The following RAB28 variants were observed in gnomAD, a reference collection of about 807,000 sequenced individuals.
RAB28 encodes ras-related protein Rab-28.
Under a neutral mutation model 31.7 loss-of-function variants are expected in RAB28, and 24 were observed. The observed-to-expected ratio is 0.76, with a 90% confidence interval of 0.55 to 1.06. RAB28 has a LOEUF of 1.06. Ranked by LOEUF, RAB28 falls within the 50% of genes least tolerant of loss-of-function variation. The probability of loss-of-function intolerance (pLI) is 0.00; values close to 1 mark genes in which losing one functional copy is unlikely to be tolerated. For missense variants in RAB28, 254 were observed against 258.5 expected (o/e 0.98, Z 0.12); for synonymous variants, 100 against 90.4 (o/e 1.11, Z -0.60).
At chr4:13,466,053 A>C (rs1417567204) in intron 3 of RAB28, among the ~76,000 whole-genome samples, 1 of 152,026 alleles carries the variant, frequency 6.6e-6, no homozygotes, top group Non-Finnish European at 1.5e-5. Flanking sequence ...ATCTCACAAC[A>C]TATACAAAAA....
intron 3 of RAB28, among the ~76,000 whole-genome samples, chr4:13,467,773 A>G (rs1366770529): frequency 6.6e-6 from 1 of 152,018 alleles, no homozygotes; most frequent in African/African-American, 2.4e-5. Flanking sequence ...ACAGATGTTA[A>G]CCCAGCTATA....
intron 6 of RAB28, chr4:13,370,375 A>G: frequency 6.5e-6 from 6 of 919,762 alleles, no homozygotes; most frequent in Non-Finnish European, 7.8e-6. Context: ...TTCCATTTCC[A>G]TTAACAAGCT....
In RAB28 at chr4:13,474,389, G is replaced by A. The variant is rs944461205; in HGVS notation, c.190C>T (p.Leu64Phe). 5.7e-6 allele frequency: 9 copies of A among 1,583,688 alleles called. No individual in the cohort carries two copies. The Admixed American group carries it at 6.9e-5, about 12-fold the overall frequency. The part of the protein sequence containing the change: ...ITLPGNLNVT[L>F]QIWDIGGQTI... ...TGCCCTCCTATATCCCAAATTTGAA[G>A]GGTAACATTCAAGTTTCCTAGAATA... is the stretch of plus-strand genomic sequence containing the variant. The change falls in exon 3 of 7, where the codon CTT (leucine) becomes TTT (phenylalanine). Residue 64 changes from leucine to phenylalanine, a missense_variant. Transcript: ENST00000330852.
chr4:13,459,948 C>G, intron 4 of RAB28: 2 of 1,264,990 alleles, frequency 1.6e-6, no homozygotes, highest in Non-Finnish European at 1.0e-6. Context: ...AAAACACACA[C>G]TGTCAGAACT....
chr4:13,368,799 A>C lies in RAB28; in HGVS notation c.574-149T>G. On this transcript the variant is annotated intron_variant, in intron 6 of 6. Coordinates refer to ENST00000330852, the MANE Select transcript of RAB28 (RefSeq NM_001017979.3). ...GGAGTTGATATTAAAAGAATAAGCC[A>C]GACAAACAAACAAAGAGTGGATTTT... The C allele has an allele frequency of 3.2e-6, 2 of 629,696 alleles. 1 individual carries two copies. The highest frequency in any genetic ancestry group is 6.1e-5 in the South Asian group (2 of 32,844). 39.0% of individuals were successfully genotyped at this position (629,696 alleles called of 1,614,324 possible).
chr4:13,368,719 T>C (rs1252253144), intron 6 of RAB28, 69 bp from the exon 7 acceptor site: 2 of 1,376,860 alleles, frequency 1.5e-6, no homozygotes, highest in Non-Finnish European at 2.0e-6. Context: ...TTAAAGTATA[T>C]TTTTATTTTC....
At chr4:13,457,050 G>C (rs914722472) in intron 4 of RAB28, among the ~76,000 whole-genome samples, 4 of 152,126 alleles carry the variant, frequency 2.6e-5, no homozygotes, top group African/African-American at 9.7e-5. Flanking sequence ...ACTGCTACCA[G>C]TATTTCCACA....
At chr4:13,380,284 T>G (rs1174784155) in intron 5 of RAB28, among the ~76,000 whole-genome samples, 6 of 152,064 alleles carry the variant, frequency 3.9e-5, no homozygotes, top group Non-Finnish European at 7.4e-5. Flanking sequence ...CTATAAAGGA[T>G]ATTACAGAGA....
Position 13,433,138 on chromosome 4 carries a change from GA to G in RAB28, c.391+27560del, listed in dbSNP as rs1159582203. ...AGAAAGATCTATCATGCAAATGAAA[GA>G]AAAAAAAAAAAGAAAAAAAAGAGCA... On this transcript the variant is annotated intron_variant, in intron 4 of 6. Transcript: ENST00000330852. Among the ~76,000 whole-genome samples, 499 of 69,456 alleles carry G rather than the reference GA, an allele frequency of 7.2e-3. 3 individuals carry two copies. Among genetic ancestry groups the G allele is most frequent in the Admixed American group, 0.012 (77 of 6,452 alleles). The allele number at this position is 69,456 out of a possible 152,430, so 45.6% of individuals were successfully genotyped here. A position where few individuals can be genotyped will look rare whatever the true frequency, so the allele number is the denominator to read the frequency against.
At chr4:13,477,352 C>T (rs1411117975) in intron 2 of RAB28, among the ~76,000 whole-genome samples, 6 of 151,464 alleles carry the variant, frequency 4.0e-5, no homozygotes, top group Admixed American at 2.0e-4. Context: ...TCTAACTGGT[C>T]AGAGGACTTA....
chr4:13,420,989 T>A (rs912858819), intron 4 of RAB28, among the ~76,000 whole-genome samples: 5 of 152,194 alleles, frequency 3.3e-5, no homozygotes, highest in Non-Finnish European at 7.3e-5. Context: ...ATGACATGAT[T>A]GTATATTTAG....
chr4:13,413,589 A>C (rs908608929), intron 4 of RAB28, among the ~76,000 whole-genome samples: 1 of 152,172 alleles, frequency 6.6e-6, no homozygotes, highest in Admixed American at 6.5e-5. Context: ...AAATTAATGA[A>C]CCCGCAGAGA....
At chr4:13,441,064 T>C (rs893030678) in intron 4 of RAB28, among the ~76,000 whole-genome samples, 3 of 152,180 alleles carry the variant, frequency 2.0e-5, no homozygotes, top group Non-Finnish European at 4.4e-5. Context: ...TTTCCCTCGC[T>C]GTGATACAAA....
At chr4:13,392,377 T>A (rs1045058790) in intron 4 of RAB28, among the ~76,000 whole-genome samples, 3 of 152,224 alleles carry the variant, frequency 2.0e-5, no homozygotes, top group African/African-American at 7.2e-5. Flanking sequence ...TCCCAAGAGA[T>A]GACCTCTGTT....
At chr4:13,386,805 C>G (rs970671404) in intron 4 of RAB28, among the ~76,000 whole-genome samples, 1 of 152,010 alleles carries the variant, frequency 6.6e-6, no homozygotes, top group African/African-American at 2.4e-5. Flanking sequence ...GTGTATGTCC[C>G]TTGCAGCACT....
intron 5 of RAB28, among the ~76,000 whole-genome samples, chr4:13,379,112 C>A (rs1208593238): frequency 6.8e-6 from 1 of 146,768 alleles, no homozygotes; most frequent in Admixed American, 7.0e-5. Flanking sequence ...GAGGCTGAGG[C>A]GGAGAATTGC....
chr4:13,417,360 C>T (rs935240317), intron 4 of RAB28, among the ~76,000 whole-genome samples: 4 of 152,164 alleles, frequency 2.6e-5, no homozygotes, highest in African/African-American at 9.7e-5. Context: ...CTTAAAGGTC[C>T]CTGTCTGACA....
intron 2 of RAB28, among the ~76,000 whole-genome samples, chr4:13,476,189 TTGAC>T (rs1437656122): frequency 2.0e-5 from 3 of 151,664 alleles, no homozygotes; most frequent in East Asian, 1.9e-4. Flanking sequence ...TGTGAACACT[TTGAC>T]TGTAATTTTA....
intron 4 of RAB28, among the ~76,000 whole-genome samples, chr4:13,437,783 GTACAGA>G (rs1366902859): frequency 6.6e-6 from 1 of 152,112 alleles, no homozygotes; most frequent in African/African-American, 2.4e-5. Context: ...ACAGAAAACT[GTACAGA>G]GATTTCTCAA....
Sources: gnomAD v4.1 joint callset for allele counts (sites outside exome capture counted in the v4.1 genomes callset) on GRCh38, gnomAD v4.1.1 for gene constraint, MANE v1.5 for transcripts, NCBI Gene and HGNC (gene_info 2026-07-23, HGNC 2026-07-21) for gene names.